Variants in CACNA1G observed in about 807,000 individuals in gnomAD.
CACNA1G encodes calcium voltage-gated channel subunit alpha1 G.
Under a neutral mutation model 219.4 loss-of-function variants are expected in CACNA1G, and 67 were observed. The observed-to-expected ratio is 0.31, with a 90% CI of 0.25 to 0.37. The LOEUF (loss-of-function observed/expected upper bound fraction) is 0.37. Among genes scored for constraint, CACNA1G ranks in the 10% least tolerant of loss-of-function variants. The pLI, the probability that CACNA1G is intolerant of heterozygous loss-of-function variation, is 1.00. For missense variants in CACNA1G, 2,380 were observed against 3,231.4 expected, an observed-to-expected ratio of 0.74 and a Z score of 6.39; for synonymous variants, 1,296 against 1,345.3, an observed-to-expected ratio of 0.96 and a Z score of 0.80.
In CACNA1G at chr17:50,572,851, C is replaced by T. The variant is rs752601965; in HGVS notation, c.1044C>T (p.Phe348=). ...DNIGYAWIAI[F]QVITLEGWVD... ...TTGGCTATGCCTGGATCGCCATCTT[C>T]CAGGTGGGGCAGCCTGGGCCCCGGG... Residue 348 remains phenylalanine (F), a synonymous_variant, in exon 6 of 38, where the codon TTC becomes TTT. Transcript: ENST00000359106. The T allele has an allele frequency of 4.7e-5, 75 of 1,611,240 alleles. No individual in the cohort carries two copies. The Admixed American group carries it at 1.3e-3, about 27-fold the overall frequency.
In CACNA1G at chr17:50,571,549, C is replaced by A. The variant is rs2039444370; in HGVS notation, c.587-329C>A. ...GGGTGAGTCAAGTCATTTCTCCAAGCCTCAGACTTCTCATCTGTGAATTGG... is the reference window on the plus strand; with the variant it reads ...GGGTGAGTCAAGTCATTTCTCCAAGACTCAGACTTCTCATCTGTGAATTGG... On this transcript the variant is annotated intron_variant, in intron 4 of 37. Coordinates refer to ENST00000359106, the MANE Select transcript of CACNA1G (RefSeq NM_018896.5). This position sits in a 1 kb window ranked among gnomAD's most constrained non-coding sequence, Gnocchi z 4.3. Among the ~76,000 whole-genome samples the A allele has an allele frequency of 1.3e-5, 2 of 152,194 alleles. No individual in the cohort carries two copies. Among genetic ancestry groups the A allele is most frequent in the Admixed American group, 6.5e-5 (1 of 15,282 alleles).
chr17:50,606,147 C>G (rs1240920823), intron 23 of CACNA1G, 124 bp downstream of exon 23: 1 of 1,318,544 alleles, frequency 7.6e-7, no homozygotes, highest in East Asian at 2.3e-5. Context: ...CCCTTCACAC[C>G]CTCTGCTGTC....
chr17:50,623,637 C>T (rs2052795552), intron 35 of CACNA1G, among the ~76,000 whole-genome samples: 2 of 151,974 alleles, frequency 1.3e-5, no homozygotes, highest in South Asian at 4.1e-4. Context: ...ACAATGTGTG[C>T]AGTTTTGCAG....
At chr17:50,583,002 C>A (rs1264157885) in intron 9 of CACNA1G, among the ~76,000 whole-genome samples, 2 of 151,976 alleles carry the variant, frequency 1.3e-5, no homozygotes, top group Non-Finnish European at 2.9e-5. Flanking sequence ...GGGGGTGGGG[C>A]AGGAGGAGGT....
intron 1 of CACNA1G, among the ~76,000 whole-genome samples, chr17:50,566,283 C>A (rs1356809774): frequency 1.3e-5 from 2 of 151,916 alleles, no homozygotes; most frequent in African/African-American, 2.4e-5. Flanking sequence ...AGGAAACAAG[C>A]CCTACTCTGA....
At chr17:50,608,367 T>C (rs2048391967) in intron 25 of CACNA1G, among the ~76,000 whole-genome samples, 1 of 151,874 alleles carries the variant, frequency 6.6e-6, no homozygotes, top group South Asian at 2.1e-4. Context: ...CATGCCAGCA[T>C]CCAGAGGCCC....
rs949106109 is a variant in CACNA1G at position 50,621,160 on chromosome 17, A to T, written c.5926-500A>T. ...CTGCCAGGCTGTTGGAAGCCGAGAG[A>T]ATAGGCAGAAAACAGCCGTCAGATT... On this transcript the variant is annotated intron_variant, in intron 34 of 37. Transcript: ENST00000359106. This position sits in a 1 kb window ranked among gnomAD's most constrained non-coding sequence, Gnocchi z 4.6. 6.6e-6 allele frequency among the ~76,000 whole-genome samples: 1 copy of T among 152,140 alleles called. No homozygotes were observed. The highest frequency in any genetic ancestry group is 6.5e-5 in the Admixed American group (1 of 15,286).
intron 1 of CACNA1G, among the ~76,000 whole-genome samples, chr17:50,565,118 T>G (rs1051842513): frequency 2.2e-5 from 3 of 135,698 alleles, no homozygotes; most frequent in Middle Eastern, 3.5e-3. Flanking sequence ...CACGCAGACA[T>G]GCGCACGCGC....
chr17:50,606,317 C>G (rs568352843), intron 23 of CACNA1G: 2 of 665,428 alleles, frequency 3.0e-6, no homozygotes, highest in Admixed American at 4.4e-5. Context: ...AGGAAGCACA[C>G]GTGGCAGTGG....
chr17:50,601,285 A>G, intron 19 of CACNA1G, 111 bp downstream of exon 19: 4 of 1,351,106 alleles, frequency 3.0e-6, no homozygotes, highest in Non-Finnish European at 4.1e-6. Flanking sequence ...ACAGCAGGGA[A>G]CGAGGGGGCC....
rs781693082 is a variant in CACNA1G, at chr17:50,600,983, C to T, written c.3792-68C>T. ...GAGGGCACTGGAGGGGCAGGGGCTG[C>T]GGGCGGTGCCTCTCGTTGCCACCTG... On this transcript the variant is annotated intron_variant, in intron 18 of 37. Transcript: ENST00000359106. This position sits in a 1 kb window ranked among gnomAD's most constrained non-coding sequence, Gnocchi z 4.1. The T allele has an allele frequency of 3.5e-5, 56 of 1,593,512 alleles. No homozygotes were observed. The highest frequency in any genetic ancestry group is 1.7e-4 in the Admixed American group (10 of 59,530).
chr17:50,610,673 C>T (rs1440074411), intron 26 of CACNA1G, among the ~76,000 whole-genome samples: 2 of 152,076 alleles, frequency 1.3e-5, no homozygotes, highest in African/African-American at 4.8e-5. Flanking sequence ...ACTATGTCTC[C>T]AGCTGGTGGT....
chr17:50,610,247 G>A (rs893189208), intron 26 of CACNA1G, among the ~76,000 whole-genome samples: 10 of 152,328 alleles, frequency 6.6e-5, no homozygotes, highest in African/African-American at 1.7e-4. Context: ...GTAGCTCACC[G>A]GTCGATTATT....
intron 7 of CACNA1G, among the ~76,000 whole-genome samples, chr17:50,574,378 C>G (rs1222877273): frequency 6.6e-6 from 1 of 152,218 alleles, no homozygotes; most frequent in Non-Finnish European, 1.5e-5. Flanking sequence ...TTGTGAGAGA[C>G]AGAGGGTAGG....
At position 50,578,176 on chromosome 17, in the gene CACNA1G, C is replaced by A; in HGVS notation, c.1925-12C>A. On this transcript the variant is annotated splice_polypyrimidine_tract_variant and intron_variant, in intron 8 of 37. Coordinates refer to ENST00000359106, the MANE Select transcript of CACNA1G (RefSeq NM_018896.5). The surrounding 1 kb of genome is among the most constrained non-coding windows in gnomAD (Gnocchi z 4.5). Reference sequence around the variant, plus strand: ...GACTCTGGAGCCTCTCACCTCTACTCTCCTGTTCCAGGTGCCTGCCAAAGC... The same window carrying A: ...GACTCTGGAGCCTCTCACCTCTACTATCCTGTTCCAGGTGCCTGCCAAAGC... The A allele has an allele frequency of 6.4e-7, 1 of 1,554,748 alleles. No homozygotes were observed. The highest frequency in any genetic ancestry group is 8.7e-7 in the Non-Finnish European group (1 of 1,150,362).
chr17:50,601,301 T>A, intron 19 of CACNA1G, 127 bp downstream of exon 19: 1 of 1,168,166 alleles, frequency 8.6e-7, no homozygotes, highest in East Asian at 2.6e-5. Flanking sequence ...GGGCCAGGAC[T>A]CTCCTTTAGG....
chr17:50,619,928 T>C, intron 34 of CACNA1G, 102 bp downstream of exon 34: 1 of 1,232,844 alleles, frequency 8.1e-7, no homozygotes, highest in African/African-American at 1.5e-5. Flanking sequence ...GCCCACTGGG[T>C]ATCTGTAGAA....
In CACNA1G at chr17:50,596,971, G is replaced by A; in HGVS notation, c.3258+48G>A. 1.4e-6 allele frequency: 2 copies of A among 1,454,686 alleles called. No homozygotes were observed. The highest frequency in any genetic ancestry group is 9.2e-7 in the Non-Finnish European group (1 of 1,091,522). The allele number at this position is 1,454,686 out of a possible 1,614,324, so 90.1% of individuals were successfully genotyped here. On this transcript the variant is annotated intron_variant, in intron 16 of 37. Coordinates refer to ENST00000359106, the MANE Select transcript of CACNA1G (RefSeq NM_018896.5). This position sits in a 1 kb window ranked among gnomAD's most constrained non-coding sequence, Gnocchi z 4.8. ...CTGATGGTGGGAGATATTCCAAGGA[G>A]GACAGGAGGAAGAGAGGATGGAGGC...
At chr17:50,569,889 C>T (rs1392325315) in intron 4 of CACNA1G, 86 bp downstream of exon 4, 2 of 1,000,012 alleles carry the variant, frequency 2.0e-6, no homozygotes, top group African/African-American at 1.6e-5. Flanking sequence ...CTACTGTGTC[C>T]TCACCTGACC....
Sources: gnomAD v4.1 joint callset for allele counts (sites outside exome capture counted in the v4.1 genomes callset) on GRCh38, gnomAD v4.1.1 for gene constraint, Gnocchi (gnomAD v3.1) non-coding constraint, MANE v1.5 for transcripts, NCBI Gene and HGNC (gene_info 2026-07-23, HGNC 2026-07-21) for gene names.